CDKL5: variants seen among roughly 807,000 people sequenced by gnomAD.
CDKL5 encodes the protein cyclin-dependent kinase-like 5.
CDKL5 carries 8 observed loss-of-function variants against 61.7 expected under a neutral mutation model. The observed-to-expected ratio is 0.13, with a 90% CI of 0.08 to 0.23. The LOEUF is 0.23. CDKL5 is among the 10% of genes least tolerant of loss of function. CDKL5 has a pLI of 1.00. For synonymous variants in CDKL5, 275 were observed against 272.3 expected, an observed-to-expected ratio of 1.01 and a Z score of -0.10; for missense variants, 440 against 734.5, an observed-to-expected ratio of 0.60 and a Z score of 4.63.
intron 1 of CDKL5, chrX:18,497,514 T>C (rs989241973): frequency 1.1e-4 from 12 of 112,140 alleles, no homozygotes; most frequent in Admixed American, 3.8e-4. Context: ...TCTTGTTTAA[T>C]GTGATACTGC....
At chrX:18,457,912 CTTTTTTTTTTTTTT>C (rs775565675) in intron 1 of CDKL5, among the ~76,000 whole-genome samples, 1 of 45,247 alleles carries the variant, frequency 2.2e-5, no homozygotes. Context: ...CCATGCCCGG[CTTTTTTTTTTTTTT>C]TTTTTTTTTT....
At chrX:18,513,099 A>C (rs768156411) in intron 3 of CDKL5, among the ~76,000 whole-genome samples, 32 of 112,132 alleles carry the variant, frequency 2.9e-4, no homozygotes, top group South Asian at 7.4e-4. Context: ...TACAGAGTCC[A>C]AATGTTTTCT....
At chrX:18,490,481 C>T (rs1641447415) in intron 1 of CDKL5, among the ~76,000 whole-genome samples, 1 of 110,205 alleles carries the variant, frequency 9.1e-6, no homozygotes, top group African/African-American at 3.3e-5. Context: ...AAAAAAAAGC[C>T]CTCAGGTAGG....
chrX:18,427,550 C>T (rs990713550), intron 1 of CDKL5, among the ~76,000 whole-genome samples: 22 of 110,236 alleles, frequency 2.0e-4, no homozygotes, highest in Non-Finnish European at 1.9e-5. Context: ...GTTGGGGGTT[C>T]CTCAATTGGA....
chrX:18,552,048 GC>G (rs1924414109), intron 3 of CDKL5, among the ~76,000 whole-genome samples: 1 of 107,690 alleles, frequency 9.3e-6, no homozygotes, highest in Admixed American at 1.0e-4. Flanking sequence ...GACAAGCCTG[GC>G]CAACATGGTG....
chrX:18,609,963 T>C (rs989165852), intron 14 of CDKL5, among the ~76,000 whole-genome samples: 3 of 112,296 alleles, frequency 2.7e-5, no homozygotes, highest in African/African-American at 6.5e-5. Context: ...CGGAACTCAC[T>C]TCCTCGGGAG....
At chrX:18,641,979 G>A (rs371251209), downstream of CDKL5, 24 of 1,207,971 alleles carry the variant, frequency 2.0e-5, no homozygotes, top group African/African-American at 3.3e-4. Context: ...GTCACCCCCT[G>A]GCAGGCGCCG....
intron 20 of CDKL5, among the ~76,000 whole-genome samples, chrX:18,648,760 G>A (rs1298420485): frequency 9.0e-6 from 1 of 111,613 alleles, no homozygotes; most frequent in Non-Finnish European, 1.9e-5. Flanking sequence ...TAGTTGGTGT[G>A]ACAGTAACCA....
At chrX:18,504,036 G>A (rs56261245) in intron 1 of CDKL5, among the ~76,000 whole-genome samples, 18 of 111,582 alleles carry the variant, frequency 1.6e-4, no homozygotes, top group Non-Finnish European at 3.4e-4. Flanking sequence ...TTATGGACAC[G>A]AGCCACTGTG....
At chrX:18,448,167 A>C (rs1931924664) in intron 1 of CDKL5, among the ~76,000 whole-genome samples, 1 of 112,298 alleles carries the variant, frequency 8.9e-6, no homozygotes, top group African/African-American at 3.2e-5. Context: ...TGTGAAGTAC[A>C]TCTTTTCCTC....
intron 3 of CDKL5, among the ~76,000 whole-genome samples, chrX:18,533,492 A>C (rs202149170): frequency 1.8e-5 from 2 of 111,593 alleles, no homozygotes; most frequent in East Asian, 5.6e-4. Flanking sequence ...AACCCACAAG[A>C]ATGAACACAA....
chrX:18,493,352 C>T lies in CDKL5; in HGVS notation c.-162-13583C>T, dbSNP rs781408016. On this transcript the variant is annotated intron_variant, in intron 1 of 17. Coordinates refer to ENST00000623535, the MANE Select transcript of CDKL5 (RefSeq NM_001323289.2). The stretch of plus-strand genomic sequence containing the variant: ...ATGTCCCAGAATCTATCATAGTACC[C>T]GGTACATGGTTAGCTCTCAAAACAT... 9.8e-5 allele frequency among the ~76,000 whole-genome samples: 11 copies of T among 112,082 alleles called. No individual in the cohort carries two copies. The South Asian group carries it at 1.5e-3, about 15-fold the overall frequency.
chrX:18,428,328 T>C (rs1931410373), intron 1 of CDKL5, among the ~76,000 whole-genome samples: 1 of 112,344 alleles, frequency 8.9e-6, no homozygotes, highest in African/African-American at 3.2e-5. Context: ...AAAAGAAAAT[T>C]TAGCTTTATC....
At chrX:18,593,949 T>G (rs1925909495) in intron 9 of CDKL5, among the ~76,000 whole-genome samples, 1 of 112,296 alleles carries the variant, frequency 8.9e-6, no homozygotes, top group Non-Finnish European at 1.9e-5. Flanking sequence ...TTCTCTGAGC[T>G]TCAATTAGAA....
intron 20 of CDKL5, chrX:18,647,169 A>C (rs1422448055): frequency 7.5e-6 from 9 of 1,207,675 alleles, no homozygotes; most frequent in Non-Finnish European, 7.8e-6. Flanking sequence ...CACATGAAAA[A>C]AAATCCCCGG....
At position 18,526,655 on chromosome X, in the gene CDKL5, C is replaced by T. The variant is rs186263436; in HGVS notation, c.99+15801C>T. On this transcript the variant is annotated intron_variant, in intron 3 of 17. Transcript: ENST00000623535. ...GGGAGGTTTGTTTTTTTTCTTAAAT[C>T]GGTGACGGAGATTGAGTTTCAAAAA... Among the ~76,000 whole-genome samples the T allele has an allele frequency of 6.1e-4, 68 of 111,267 alleles. 1 individual carries two copies. The East Asian group carries it at 9.6e-3, about 16-fold the overall frequency.
chrX:18,624,837 C>T (rs140497188), intron 16 of CDKL5, among the ~76,000 whole-genome samples: 99 of 111,902 alleles, frequency 8.8e-4, no homozygotes, highest in African/African-American at 3.2e-3. Context: ...CTCTCTCTTA[C>T]AGCGACTAAA....
Position 18,633,679 on chromosome X carries a change from C to T in CDKL5, c.*4922C>T. 1 of 754,201 alleles carries T rather than the reference C, an allele frequency of 1.3e-6. No homozygotes were observed. Among genetic ancestry groups the T allele is most frequent in the Non-Finnish European group, 1.6e-6 (1 of 639,334 alleles). The allele number at this position is 754,201 out of a possible 1,213,427, so 62.2% of individuals were successfully genotyped here. On this transcript the variant is annotated 3_prime_UTR_variant, in exon 18 of 18. Coordinates refer to ENST00000623535, the MANE Select transcript of CDKL5 (RefSeq NM_001323289.2). ...GTGGGGTGGCTAGGAAACTCTGGGC[C>T]TGCTGCCCCCTTCGATTCTTTTTTT... is the stretch of plus-strand genomic sequence containing the variant.
chrX:18,587,272 A>G (rs2147147423), intron 8 of CDKL5, among the ~76,000 whole-genome samples: 1 of 111,680 alleles, frequency 9.0e-6, no homozygotes, highest in South Asian at 3.7e-4. Context: ...AATAACAGCA[A>G]CACTCCTAAA....
Sources: allele counts gnomAD v4.1 joint callset (sites outside exome capture counted in the v4.1 genomes callset), GRCh38; gene constraint gnomAD v4.1.1; transcripts MANE v1.5; gene names NCBI Gene and HGNC (gene_info 2026-07-23, HGNC 2026-07-21).